KDR: variants seen among roughly 807,000 people sequenced by gnomAD.
KDR encodes kinase insert domain receptor, also known as vascular endothelial growth factor receptor 2.
A neutral mutation model predicts 160.9 loss-of-function variants in KDR; 43 were observed. The ratio of observed to expected loss-of-function variants is 0.27; its 90% CI spans 0.21 to 0.34. The LOEUF is 0.34. KDR is among the 10% of genes least tolerant of loss of function. KDR has a pLI of 1.00. For missense variants in KDR, 1,469 were observed against 1,666.4 expected (o/e 0.88, Z 2.06); for synonymous variants, 617 against 600.1 (o/e 1.03, Z -0.41).
intron 9 of KDR, among the ~76,000 whole-genome samples, chr4:55,108,194 CTACCA>C (rs1720490559): frequency 8.7e-6 from 1 of 115,594 alleles, no homozygotes; most frequent in Non-Finnish European, 1.8e-5. Context: ...GACCCCATCT[CTACCA>C]AAAAAAAAAA....
chr4:55,124,884 T>C (rs1364867813), intron 1 of KDR, among the ~76,000 whole-genome samples: 2 of 152,168 alleles, frequency 1.3e-5, no homozygotes, highest in Non-Finnish European at 2.9e-5. Context: ...TGTTCTCGCC[T>C]GCGGAGGCAC....
chr4:55,095,032 A>G, intron 20 of KDR, 77 bp from the exon 21 acceptor site: 3 of 1,373,640 alleles, frequency 2.2e-6, no homozygotes, highest in Non-Finnish European at 2.1e-6. Context: ...TTTAAAATGT[A>G]GTAAACCATG....
chr4:55,094,781 G>T (rs142272597), intron 21 of KDR, 21 bp downstream of exon 21: 4 of 1,608,650 alleles, frequency 2.5e-6, no homozygotes, highest in South Asian at 1.1e-5. Flanking sequence ...GCCATAGCAT[G>T]CAGGAAGCAC....
At chr4:55,101,009 C>T (rs1222376579) in intron 15 of KDR, among the ~76,000 whole-genome samples, 3 of 152,074 alleles carry the variant, frequency 2.0e-5, no homozygotes, top group African/African-American at 7.2e-5. Flanking sequence ...TGCATACACA[C>T]GTATTGAGAT....
chr4:55,120,324 AC>A (rs1720839022), intron 2 of KDR, among the ~76,000 whole-genome samples: 1 of 152,200 alleles, frequency 6.6e-6, no homozygotes, highest in Admixed American at 6.5e-5. Flanking sequence ...CCAAAAACAC[AC>A]AGGTCCTAAG....
intron 11 of KDR, among the ~76,000 whole-genome samples, chr4:55,106,191 T>C (rs1305561219): frequency 6.6e-6 from 1 of 152,148 alleles, no homozygotes; most frequent in African/African-American, 2.4e-5. Flanking sequence ...TACTTACCAG[T>C]TGAGCATCCC....
At chr4:55,080,477 T>C (rs1578124197) in intron 29 of KDR, among the ~76,000 whole-genome samples, 1 of 152,192 alleles carries the variant, frequency 6.6e-6, no homozygotes, top group African/African-American at 2.4e-5. Context: ...GCCTCGCAGA[T>C]TGACAAATTT....
chr4:55,115,670 A>G (rs1245566569), intron 3 of KDR, among the ~76,000 whole-genome samples: 3 of 152,278 alleles, frequency 2.0e-5, no homozygotes, highest in East Asian at 1.9e-4. Context: ...AAAACTCCCA[A>G]TTGAGATTGA....
At chr4:55,090,841 G>T (rs1032136399) in intron 22 of KDR, among the ~76,000 whole-genome samples, 15 of 136,118 alleles carry the variant, frequency 1.1e-4, no homozygotes, top group African/African-American at 2.9e-4. Flanking sequence ...CAATGGCTTA[G>T]AAGAAAACTT....
chr4:55,120,285 A>C (rs1720837791), intron 2 of KDR, among the ~76,000 whole-genome samples: 3 of 152,182 alleles, frequency 2.0e-5, no homozygotes, highest in Admixed American at 1.3e-4. Flanking sequence ...CCAGGAGGGT[A>C]ACATCACCTC....
At chr4:55,109,843 A>G (rs1720532397) in intron 9 of KDR, among the ~76,000 whole-genome samples, 2 of 152,142 alleles carry the variant, frequency 1.3e-5, no homozygotes, top group African/African-American at 2.4e-5. Flanking sequence ...TTATCTTTAC[A>G]TCAAAAACTT....
At chr4:55,099,053 T>C (rs945709930) in intron 15 of KDR, among the ~76,000 whole-genome samples, 7 of 151,954 alleles carry the variant, frequency 4.6e-5, no homozygotes, top group African/African-American at 1.7e-4. Flanking sequence ...TTTCTTTCTA[T>C]GTTCCAGGCT....
Position 55,119,626 on chromosome 4 carries a change from T to C in KDR, c.162-826A>G, listed in dbSNP as rs1044268871. ...GTATTACAGGAGCAAAAACAGCACA[T>C]GGAAAGGCCCTGGAGCAGGTGCATA... On this transcript the variant is annotated intron_variant, in intron 2 of 29. Coordinates refer to ENST00000263923, the MANE Select transcript of KDR (RefSeq NM_002253.4). Among the ~76,000 whole-genome samples the C allele has an allele frequency of 5.9e-5, 9 of 152,004 alleles. No homozygotes were observed. The East Asian group carries it at 1.5e-3, about 26-fold the overall frequency.
intron 5 of KDR, among the ~76,000 whole-genome samples, chr4:55,114,572 T>C (rs1258768779): frequency 1.3e-5 from 2 of 152,230 alleles, no homozygotes; most frequent in Non-Finnish European, 2.9e-5. Flanking sequence ...TAGTCATAAT[T>C]GAAATAATTG....
intron 22 of KDR, 118 bp downstream of exon 22, chr4:55,092,499 G>T: frequency 1.3e-6 from 1 of 767,574 alleles, no homozygotes; most frequent in Admixed American, 2.0e-5. Flanking sequence ...TCTTCTAAAA[G>T]ACGTAGAAGT....
chr4:55,107,011 A>G (rs1720461266), intron 10 of KDR, among the ~76,000 whole-genome samples: 1 of 152,224 alleles, frequency 6.6e-6, no homozygotes, highest in African/African-American at 2.4e-5. Context: ...CATTCAGGAT[A>G]CAGGAGGGAA....
At chr4:55,109,108 A>C (rs1720511175) in intron 9 of KDR, among the ~76,000 whole-genome samples, 1 of 150,494 alleles carries the variant, frequency 6.6e-6, no homozygotes, top group African/African-American at 2.4e-5. Context: ...TTTGAGACGG[A>C]GTTTTGCTCT....
chr4:55,079,430 G>A lies in KDR; in HGVS notation c.*511C>T, dbSNP rs1011697218. Reference sequence around the variant, plus strand: ...CCAGTACTCTCCAAAGCAAGGTAACGTTAGTCTTCCTTTCTATCAATCCGA... The same window carrying A: ...CCAGTACTCTCCAAAGCAAGGTAACATTAGTCTTCCTTTCTATCAATCCGA... On this transcript the variant is annotated 3_prime_UTR_variant, in exon 30 of 30. Coordinates refer to ENST00000263923, the MANE Select transcript of KDR (RefSeq NM_002253.4). 1.4e-4 allele frequency: 39 copies of A among 278,396 alleles called. No homozygotes were observed. Among genetic ancestry groups the A allele is most frequent in the Middle Eastern group, 2.1e-3 (2 of 934 alleles). The allele number at this position is 278,396 out of a possible 1,614,324, so 17.2% of individuals were successfully genotyped here. A position where few individuals can be genotyped will look rare whatever the true frequency, so the allele number is the denominator to read the frequency against.
At chr4:55,092,776 G>T in intron 21 of KDR, 62 bp from the exon 22 acceptor site, 1 of 1,145,370 alleles carries the variant, frequency 8.7e-7, no homozygotes, top group Non-Finnish European at 1.3e-6. Flanking sequence ...ATGTTTCTAA[G>T]TTTGCTAGAG....
Sources: allele counts gnomAD v4.1 joint callset (sites outside exome capture counted in the v4.1 genomes callset), GRCh38; gene constraint gnomAD v4.1.1; transcripts MANE v1.5; gene names NCBI Gene and HGNC (gene_info 2026-07-23, HGNC 2026-07-21).